The following CASD1 variants were observed in gnomAD, a reference collection of about 807,000 sequenced individuals.
The protein encoded by CASD1 is CAS1 domain sialic acid O acetyltransferase 1.
CASD1 carries 41 observed loss-of-function variants against 100.0 expected under a neutral mutation model. The ratio of observed to expected loss-of-function variants is 0.41; its 90% CI spans 0.32 to 0.53. The LOEUF (loss-of-function observed/expected upper bound fraction) is 0.53. Among genes scored for constraint, CASD1 ranks in the 20% least tolerant of loss-of-function variants. CASD1 has a pLI of 0.25. For missense variants in CASD1, 774 were observed against 948.7 expected, an observed-to-expected ratio of 0.82 and a Z score of 2.42; for synonymous variants, 321 against 315.6, an observed-to-expected ratio of 1.02 and a Z score of -0.18.
the CASD1 span, chr7:94,618,907 T>C: frequency 2.5e-6 from 4 of 1,614,026 alleles, no homozygotes; most frequent in South Asian, 3.3e-5. Flanking sequence ...ACATTTCTTC[T>C]ACATTCATAT....
the CASD1 span, chr7:94,620,642 T>C: frequency 6.6e-6 from 1 of 152,346 alleles, no homozygotes; most frequent in East Asian, 1.9e-4. Context: ...ATTCATTTCA[T>C]TCAATGTTTT....
intron 15 of CASD1, 105 bp downstream of exon 15, chr7:94,551,583 A>G (rs1322811182): frequency 2.1e-6 from 1 of 470,252 alleles, no homozygotes; most frequent in Non-Finnish European, 3.2e-6. Flanking sequence ...TTTTCTCCTT[A>G]TTTTTCTTTT....
the CASD1 span, among the ~76,000 whole-genome samples, chr7:94,592,874 G>T: frequency 4.6e-5 from 7 of 152,052 alleles, no homozygotes; most frequent in East Asian, 1.3e-3. Flanking sequence ...GACACTAGTT[G>T]TGTGAAATAC....
the CASD1 span, among the ~76,000 whole-genome samples, chr7:94,601,845 G>C: frequency 6.6e-6 from 1 of 151,786 alleles, no homozygotes; most frequent in Non-Finnish European, 1.5e-5. Context: ...ATTTTTGGGG[G>C]GTGAAATTTA....
chr7:94,560,857 A>G (rs1014099152), downstream of CASD1, among the ~76,000 whole-genome samples: 5 of 152,174 alleles, frequency 3.3e-5, no homozygotes, highest in African/African-American at 9.7e-5. Flanking sequence ...TAAACAGTAG[A>G]AAATGTAGGT....
At chr7:94,561,510 T>C (rs996895632), downstream of CASD1, among the ~76,000 whole-genome samples, 9 of 152,298 alleles carry the variant, frequency 5.9e-5, no homozygotes, top group South Asian at 2.1e-4. Context: ...CCTTAAACAT[T>C]TTCCAAACTA....
chr7:94,623,734 T>G, the CASD1 span: 1 of 397,644 alleles, frequency 2.5e-6, no homozygotes, highest in Non-Finnish European at 4.4e-6. Context: ...TGTTCTAAGA[T>G]TTCAAAAAAA....
chr7:94,571,433 A>G, the CASD1 span, among the ~76,000 whole-genome samples: 10 of 152,224 alleles, frequency 6.6e-5, no homozygotes, highest in African/African-American at 2.4e-5. Context: ...CCCCTGCAGG[A>G]TGTAATAATT....
At chr7:94,559,302 G>GTGTGTGTGTGTA (rs1346951750), downstream of CASD1, among the ~76,000 whole-genome samples, 10 of 138,286 alleles carry the variant, frequency 7.2e-5, no homozygotes, top group African/African-American at 2.5e-4. Flanking sequence ...GTGTGTGTGT[G>GTGTGTGTGTGTA]TGTATGTGTG....
the CASD1 span, chr7:94,603,382 G>T: frequency 6.2e-7 from 1 of 1,612,722 alleles, no homozygotes; most frequent in South Asian, 1.1e-5. Flanking sequence ...CATCTCAATT[G>T]ATTCTGTGGA....
At chr7:94,623,016 T>C in the CASD1 span, among the ~76,000 whole-genome samples, 3 of 152,164 alleles carry the variant, frequency 2.0e-5, no homozygotes, top group Non-Finnish European at 2.9e-5. Context: ...CAGCCTTAAC[T>C]TGTGAATCCT....
chr7:94,594,988 C>G, the CASD1 span, among the ~76,000 whole-genome samples: 1 of 152,078 alleles, frequency 6.6e-6, no homozygotes, highest in Admixed American at 6.6e-5. Flanking sequence ...TTGCTTATAA[C>G]CTGAATCAGA....
chr7:94,563,520 A>T, the CASD1 span, among the ~76,000 whole-genome samples: 1 of 152,036 alleles, frequency 6.6e-6, no homozygotes, highest in African/African-American at 2.4e-5. Context: ...GGTAATTTAG[A>T]AGTATTCCTT....
At chr7:94,602,657 C>T in the CASD1 span, among the ~76,000 whole-genome samples, 1 of 151,690 alleles carries the variant, frequency 6.6e-6, no homozygotes, top group East Asian at 1.9e-4. Flanking sequence ...TATATACAGA[C>T]ATATAATATA....
intron 11 of CASD1, 128 bp from the exon 12 acceptor site, chr7:94,545,417 C>T (rs995697480): frequency 1.7e-6 from 1 of 602,392 alleles, no homozygotes; most frequent in African/African-American, 1.8e-5. Flanking sequence ...GTAATATATA[C>T]TTGTACAGTC....
intron 3 of CASD1, among the ~76,000 whole-genome samples, chr7:94,522,278 T>G (rs946689956): frequency 2.6e-5 from 4 of 152,164 alleles, no homozygotes; most frequent in African/African-American, 9.7e-5. Flanking sequence ...AGGTAAATAC[T>G]AAAGAAAGTT....
intron 16 of CASD1, chr7:94,554,140 A>G (rs1014330179): frequency 1.9e-5 from 3 of 160,418 alleles, no homozygotes; most frequent in African/African-American, 7.2e-5. Context: ...GCAAAATTAT[A>G]TGATTTTGTG....
chr7:94,572,599 T>C, the CASD1 span, among the ~76,000 whole-genome samples: 1 of 152,202 alleles, frequency 6.6e-6, no homozygotes, highest in Admixed American at 6.5e-5. Context: ...TGTAAATTTG[T>C]TTAAGTTCCT....
intron 16 of CASD1, chr7:94,553,296 TA>T (rs778377629): frequency 7.7e-5 from 13 of 169,010 alleles, no homozygotes; most frequent in South Asian, 1.3e-4. Flanking sequence ...TTGTTTAAAT[TA>T]AAAAAAAGAC....
Sources: gnomAD v4.1 joint callset for allele counts (sites outside exome capture counted in the v4.1 genomes callset) on GRCh38, gnomAD v4.1.1 for gene constraint, MANE v1.5 for transcripts, NCBI Gene and HGNC (gene_info 2026-07-23, HGNC 2026-07-21) for gene names.